The following NELL2 variants were observed in gnomAD, a reference collection of about 807,000 sequenced individuals.
NELL2 encodes neural EGFL like 2.
A neutral mutation model predicts 109.6 loss-of-function variants in NELL2; 41 were observed. That is an observed-to-expected ratio of 0.37 (90% confidence interval 0.29 to 0.49). NELL2 has a LOEUF of 0.49. Among genes scored for constraint, NELL2 ranks in the 20% least tolerant of loss-of-function variants. The pLI is 0.98. For synonymous variants in NELL2, 355 were observed against 344.7 expected, an observed-to-expected ratio of 1.03 and a Z score of -0.33; for missense variants, 900 against 1,008.3, an observed-to-expected ratio of 0.89 and a Z score of 1.45.
At chr12:44,680,029 A>G (rs906899994) in intron 12 of NELL2, among the ~76,000 whole-genome samples, 5 of 152,180 alleles carry the variant, frequency 3.3e-5, no homozygotes, top group African/African-American at 1.2e-4. Flanking sequence ...AAATTCATCA[A>G]GTTGAATAGC....
intron 13 of NELL2, among the ~76,000 whole-genome samples, chr12:44,612,618 G>C (rs17571851): frequency 0.12 from 17,871 of 151,952 alleles, 1,230 homozygotes; most frequent in East Asian, 0.2. Context: ...AGAAGGGCTA[G>C]AATGGGCAGC....
chr12:44,636,934 G>A (rs1223662839), intron 13 of NELL2, among the ~76,000 whole-genome samples: 3 of 152,066 alleles, frequency 2.0e-5, no homozygotes, highest in Non-Finnish European at 4.4e-5. Flanking sequence ...TTCAGACCTT[G>A]TTATTGTTAT....
At chr12:44,802,295 C>A (rs932947879) in intron 3 of NELL2, among the ~76,000 whole-genome samples, 2 of 151,900 alleles carry the variant, frequency 1.3e-5, no homozygotes, top group Non-Finnish European at 2.9e-5. Flanking sequence ...TACATTTTAA[C>A]CAACTATAAA....
intron 12 of NELL2, among the ~76,000 whole-genome samples, chr12:44,680,831 A>C (rs1328492225): frequency 2.0e-5 from 3 of 152,140 alleles, no homozygotes; most frequent in African/African-American, 7.2e-5. Flanking sequence ...GTTGTCCCCT[A>C]AAAACTTATT....
intron 9 of NELL2, among the ~76,000 whole-genome samples, chr12:44,749,548 C>A (rs139089549): frequency 1.3e-5 from 2 of 152,196 alleles, no homozygotes; most frequent in East Asian, 3.9e-4. Context: ...TTAACATTTC[C>A]ATCTTTTATA....
At position 44,822,668 on chromosome 12, in the gene NELL2, T is replaced by A. The variant is rs529966309; in HGVS notation, c.185-6532A>T. Among the ~76,000 whole-genome samples, 6 of 152,310 alleles carry A rather than the reference T, an allele frequency of 3.9e-5. No individual in the cohort carries two copies. In the East Asian group the frequency reaches 1.2e-3, roughly 29 times the overall value. On this transcript the variant is annotated intron_variant, in intron 2 of 19. Transcript: ENST00000429094. ...GGAGCTTTTTAATTGGAGAACTGCT[T>A]GAGTTTAAATGTAAAATGTATTTCA...
intron 2 of NELL2, among the ~76,000 whole-genome samples, chr12:44,847,567 G>GA (rs5797920): frequency 0.78 from 112,086 of 142,860 alleles, 44,282 homozygotes; most frequent in Middle Eastern, 0.93. Context: ...AGAAATGGGG[G>GA]AAAAAAAAAA....
At chr12:44,780,054 A>T (rs766628519) in intron 3 of NELL2, 32 bp from the exon 4 acceptor site, 1 of 1,603,102 alleles carries the variant, frequency 6.2e-7, no homozygotes, top group Non-Finnish European at 8.5e-7. Flanking sequence ...GGGACACATT[A>T]AAAATAAAGT....
At chr12:44,745,457 C>T (rs1049161318) in intron 9 of NELL2, among the ~76,000 whole-genome samples, 7 of 152,052 alleles carry the variant, frequency 4.6e-5, no homozygotes, top group African/African-American at 1.7e-4. Context: ...CCAGGGCAGT[C>T]AGGCAGGAGA....
chr12:44,545,168 T>G (rs911597532), intron 15 of NELL2, among the ~76,000 whole-genome samples: 2 of 152,114 alleles, frequency 1.3e-5, no homozygotes, highest in African/African-American at 4.8e-5. Context: ...ATGAATGAGT[T>G]GAACAAAGCA....
At position 44,566,956 on chromosome 12, in the gene NELL2, C is replaced by T. The variant is rs555642539; in HGVS notation, c.1664-34235G>A. On this transcript the variant is annotated intron_variant, in intron 15 of 19. Coordinates refer to ENST00000429094, the MANE Select transcript of NELL2 (RefSeq NM_001145108.2). ...GCTCCTTAGTAGCTGGGATTACAAA[C>T]GTGCACCACCAGGCCCGGCTAATTT... Among the ~76,000 whole-genome samples, 7 of 152,114 alleles carry T rather than the reference C, an allele frequency of 4.6e-5. No homozygotes were observed. The South Asian group carries it at 1.2e-3, about 27-fold the overall frequency.
At chr12:44,730,767 A>G (rs1009244130) in intron 9 of NELL2, among the ~76,000 whole-genome samples, 3 of 152,056 alleles carry the variant, frequency 2.0e-5, no homozygotes, top group Admixed American at 6.6e-5. Context: ...GAAGAAAATA[A>G]TAAAGATTAG....
chr12:44,694,133 G>A (rs1359565693), intron 12 of NELL2, among the ~76,000 whole-genome samples: 1 of 152,028 alleles, frequency 6.6e-6, no homozygotes, highest in African/African-American at 2.4e-5. Context: ...CATTATTCTG[G>A]GTGTGTTTGT....
At chr12:44,658,864 A>G (rs2136328162) in intron 13 of NELL2, among the ~76,000 whole-genome samples, 1 of 142,324 alleles carries the variant, frequency 7.0e-6, no homozygotes, top group Non-Finnish European at 1.5e-5. Context: ...GCGACAGAGC[A>G]AGACTCTGTC....
chr12:44,728,823 G>C (rs1366799964), intron 9 of NELL2, among the ~76,000 whole-genome samples: 1 of 152,096 alleles, frequency 6.6e-6, no homozygotes, highest in African/African-American at 2.4e-5. Context: ...AGAGTACAAT[G>C]ACGTATTTAA....
chr12:44,746,872 A>C (rs2136515958), intron 9 of NELL2, among the ~76,000 whole-genome samples: 1 of 152,326 alleles, frequency 6.6e-6, no homozygotes, highest in East Asian at 1.9e-4. Flanking sequence ...TAGTTCAACC[A>C]TTGTGGAAGT....
chr12:44,691,726 C>T (rs1440055040), intron 12 of NELL2, among the ~76,000 whole-genome samples: 1 of 152,118 alleles, frequency 6.6e-6, no homozygotes, highest in Non-Finnish European at 1.5e-5. Flanking sequence ...TTATTGATGA[C>T]ATGGAGAAAG....
chr12:44,600,494 T>G (rs991156425), intron 15 of NELL2, among the ~76,000 whole-genome samples: 5 of 152,212 alleles, frequency 3.3e-5, no homozygotes, highest in African/African-American at 9.6e-5. Context: ...CATATTAAGT[T>G]TATGCCTCCC....
At chr12:44,822,729 A>C (rs186564144) in intron 2 of NELL2, among the ~76,000 whole-genome samples, 3 of 152,346 alleles carry the variant, frequency 2.0e-5, no homozygotes, top group African/African-American at 7.2e-5. Flanking sequence ...CAGCCTAAAA[A>C]TCCCACTAAG....
Sources: allele counts gnomAD v4.1 joint callset (sites outside exome capture counted in the v4.1 genomes callset), GRCh38; gene constraint gnomAD v4.1.1; transcripts MANE v1.5; gene names NCBI Gene and HGNC (gene_info 2026-07-23, HGNC 2026-07-21).